Variants in FAM167A observed in about 807,000 individuals in gnomAD.
FAM167A encodes family with sequence similarity 167 member A.
Under a neutral mutation model 14.9 loss-of-function variants are expected in FAM167A, and 23 were observed. The ratio of observed to expected loss-of-function variants is 1.55; its 90% CI spans 1.11 to 2.19. FAM167A has a LOEUF of 2.19. Ranked by LOEUF, FAM167A falls within the 30% of genes most tolerant of loss-of-function variation. The pLI, the probability that FAM167A is intolerant of heterozygous loss-of-function variation, is 0.00. For missense variants in FAM167A, 401 were observed against 281.5 expected (o/e 1.42, Z -3.04); for synonymous variants, 174 against 117.7 (o/e 1.48, Z -3.10).
rs1007781684 is a variant in FAM167A, at chr8:11,444,585, G to A, written c.-174C>T. ...GGTGGCAGGGGAGCTGAGAGGGACC[G>A]CGCAGTGAGCCGCACAGGGCGCCCT... On this transcript the variant is annotated 5_prime_UTR_variant, in exon 2 of 3. Coordinates refer to ENST00000284486, the MANE Select transcript of FAM167A (RefSeq NM_053279.3). 29 of 1,429,378 alleles carry A rather than the reference G, an allele frequency of 2.0e-5. No homozygotes were observed. The highest frequency in any genetic ancestry group is 9.2e-5 in the Admixed American group (3 of 32,662). 88.5% of individuals were successfully genotyped at this position (1,429,378 alleles called of 1,614,324 possible). A position where few individuals can be genotyped will look rare whatever the true frequency, so the allele number is the denominator to read the frequency against.
chr8:11,467,742 A>T (rs1807830464), upstream of FAM167A: 1 of 152,372 alleles, frequency 6.6e-6, no homozygotes, highest in Non-Finnish European at 1.5e-5. Context: ...GGGGCCCGAG[A>T]CACTCGTGCT....
chr8:11,442,166 G>A (rs1337830238), intron 2 of FAM167A, among the ~76,000 whole-genome samples: 2 of 152,168 alleles, frequency 1.3e-5, no homozygotes, highest in Admixed American at 6.5e-5. Flanking sequence ...CTCACCCTGG[G>A]CCACCTTCCT....
chr8:11,428,461 G>A (rs941519267), intron 2 of FAM167A, among the ~76,000 whole-genome samples: 1 of 152,218 alleles, frequency 6.6e-6, no homozygotes, highest in African/African-American at 2.4e-5. Flanking sequence ...TCTGCGTAAG[G>A]GTGAAAAGAG....
chr8:11,475,351 C>T (rs529321388), intron 1 of FAM167A, among the ~76,000 whole-genome samples: 29 of 152,270 alleles, frequency 1.9e-4, no homozygotes, highest in Middle Eastern at 3.4e-3. Flanking sequence ...AGAGGAAAAA[C>T]GATCTGTTGG....
intron 1 of FAM167A, among the ~76,000 whole-genome samples, chr8:11,456,909 C>T (rs1465760774): frequency 2.4e-4 from 12 of 49,582 alleles, no homozygotes; most frequent in African/African-American, 8.2e-4. Flanking sequence ...GGATTGGGTT[C>T]GGGAAGTGGG....
At chr8:11,428,442 G>C (rs1022171330) in intron 2 of FAM167A, among the ~76,000 whole-genome samples, 1 of 152,258 alleles carries the variant, frequency 6.6e-6, no homozygotes, top group African/African-American at 2.4e-5. Context: ...CTGTGCACAT[G>C]CATTCAATTC....
chr8:11,424,918 T>C (rs955524463), intron 2 of FAM167A, among the ~76,000 whole-genome samples: 1 of 152,200 alleles, frequency 6.6e-6, no homozygotes, highest in African/African-American at 2.4e-5. Flanking sequence ...TCCAGTGCTT[T>C]CTCATTGTTT....
chr8:11,475,505 C>T (rs2117181525), intron 1 of FAM167A, among the ~76,000 whole-genome samples: 1 of 151,982 alleles, frequency 6.6e-6, no homozygotes, highest in East Asian at 1.9e-4. Context: ...AGATGAGGCC[C>T]AAAAGAAATC....
In FAM167A at chr8:11,465,303, C is replaced by T. The variant is rs1320775834; in HGVS notation, c.-398+1323G>A. Among the ~76,000 whole-genome samples the T allele has an allele frequency of 4.6e-5, 7 of 152,130 alleles. No individual in the cohort carries two copies. In the East Asian group the frequency reaches 7.7e-4, roughly 17 times the overall value. ...GCCTCAGATTTCCCAAAGCAGCCTT[C>T]GTCTGAGAGCACTGTCCCGGGAGTC... is the stretch of plus-strand genomic sequence containing the variant. On this transcript the variant is annotated intron_variant, in intron 1 of 2. Coordinates refer to ENST00000284486, the MANE Select transcript of FAM167A (RefSeq NM_053279.3).
intron 2 of FAM167A, chr8:11,438,526 CT>C: frequency 2.2e-6 from 1 of 457,000 alleles, no homozygotes. Flanking sequence ...ACTTTTGCTT[CT>C]TTGGTCTTTC....
chr8:11,472,297 C>G (rs986815135), upstream of FAM167A, among the ~76,000 whole-genome samples: 2 of 152,150 alleles, frequency 1.3e-5, no homozygotes, highest in African/African-American at 4.8e-5. Flanking sequence ...GCTGTTTTAT[C>G]TTGTGAACAC....
Position 11,424,546 on chromosome 8 carries a change from G to A in FAM167A, c.472C>T (p.Arg158Cys), listed in dbSNP as rs200487180. 80 of 1,614,018 alleles carry A rather than the reference G, an allele frequency of 5.0e-5. No individual in the cohort carries two copies. The highest frequency in any genetic ancestry group is 1.2e-4 in the Admixed American group (7 of 60,008). ...TCGTTGAGCATCCTCCTGTGGAGGC[G>A]GCAGGTGTGTTCGATTTTCAGCTTG... ...INKLKIEHTC[R>C]LHRRMLNDAT... The change falls in exon 3 of 3, where the codon CGC becomes TGC. Residue 158 changes from arginine (R) to cysteine (C), a missense_variant. By Grantham distance (180) the Arg-to-Cys change is radical (BLOSUM62 -3). Transcript: ENST00000284486.
intron 2 of FAM167A, among the ~76,000 whole-genome samples, chr8:11,442,581 GTTCC>G (rs1806507700): frequency 6.6e-6 from 1 of 152,158 alleles, no homozygotes; most frequent in East Asian, 1.9e-4. Flanking sequence ...AATGTTTTTT[GTTCC>G]TTCCTAAGAA....
chr8:11,421,723 G>C lies in FAM167A; in HGVS notation c.*2650C>G, dbSNP rs1047483521. ...CATCAAGACATGACCACGCATGGCA[G>C]TGTCGGTGGAGAGTTTGCGTTTTAC... On this transcript the variant is annotated 3_prime_UTR_variant, in exon 3 of 3. Coordinates refer to ENST00000284486, the MANE Select transcript of FAM167A (RefSeq NM_053279.3). 7 of 398,958 alleles carry C rather than the reference G, an allele frequency of 1.8e-5. No individual in the cohort carries two copies. The highest frequency in any genetic ancestry group is 1.3e-4 in the South Asian group (1 of 7,862). 24.7% of individuals were successfully genotyped at this position (398,958 alleles called of 1,614,324 possible).
At chr8:11,451,438 C>A (rs1435416129) in intron 1 of FAM167A, among the ~76,000 whole-genome samples, 1 of 152,262 alleles carries the variant, frequency 6.6e-6, no homozygotes, top group Admixed American at 6.5e-5. Context: ...ACAGCACGCA[C>A]TGGAGAAGGA....
At chr8:11,456,792 AAGGGAAGTGAGTGGGGCTGGGTT>A (rs1193263802) in intron 1 of FAM167A, among the ~76,000 whole-genome samples, 2 of 141,860 alleles carry the variant, frequency 1.4e-5, no homozygotes, top group African/African-American at 5.3e-5. Flanking sequence ...GCGGCTGGCT[AAGGGAAGTGAGTGGGGCTGGGTT>A]AGGGACGTGG....
At chr8:11,447,809 G>C (rs2117102598) in intron 1 of FAM167A, among the ~76,000 whole-genome samples, 1 of 152,362 alleles carries the variant, frequency 6.6e-6, no homozygotes, top group South Asian at 2.1e-4. Flanking sequence ...CTGGGCCTCT[G>C]TGTCCTCTTC....
At chr8:11,451,786 G>A (rs895990124) in intron 1 of FAM167A, among the ~76,000 whole-genome samples, 1 of 152,168 alleles carries the variant, frequency 6.6e-6, no homozygotes, top group Admixed American at 6.5e-5. Flanking sequence ...GTGCAGGGGC[G>A]GTGGCATCCT....
intron 2 of FAM167A, among the ~76,000 whole-genome samples, chr8:11,437,292 G>C (rs534919575): frequency 1.1e-4 from 16 of 152,282 alleles, no homozygotes; most frequent in African/African-American, 3.9e-4. Context: ...TGCCTACCCG[G>C]AAAGATTGCT....
Sources: gnomAD v4.1 joint callset for allele counts (sites outside exome capture counted in the v4.1 genomes callset) on GRCh38, gnomAD v4.1.1 for gene constraint, MANE v1.5 for transcripts, NCBI Gene and HGNC (gene_info 2026-07-23, HGNC 2026-07-21) for gene names.